The following IL1RAPL1 variants were observed in gnomAD, a reference collection of about 807,000 sequenced individuals.
IL1RAPL1 encodes the protein interleukin-1 receptor accessory protein-like 1.
In IL1RAPL1, 3 loss-of-function variants were observed where a neutral mutation model predicts 48.4. That is an observed-to-expected ratio of 0.06 (90% CI 0.03 to 0.16). The LOEUF is 0.16. IL1RAPL1 is among the 10% of genes least tolerant of loss of function. The probability of loss-of-function intolerance (pLI) is 1.00; values close to 1 mark genes in which losing one functional copy is unlikely to be tolerated. For synonymous variants in IL1RAPL1, 185 were observed against 187.7 expected (o/e 0.99, Z 0.12); for missense variants, 349 against 530.6 (o/e 0.66, Z 3.36).
intron 5 of IL1RAPL1, among the ~76,000 whole-genome samples, chrX:29,602,889 TATA>T (rs1377720318): frequency 9.5e-6 from 1 of 105,571 alleles, no homozygotes; most frequent in Non-Finnish European, 1.9e-5. Flanking sequence ...GCATATATCA[TATA>T]ATCATCATTT....
At chrX:29,288,625 A>G (rs67568421) in intron 3 of IL1RAPL1, among the ~76,000 whole-genome samples, 2 of 111,517 alleles carry the variant, frequency 1.8e-5, no homozygotes, top group Non-Finnish European at 3.8e-5. Flanking sequence ...GAACATATTC[A>G]TGCATTTATC....
intron 5 of IL1RAPL1, among the ~76,000 whole-genome samples, chrX:29,647,682 A>G (rs1409056456): frequency 1.8e-5 from 2 of 112,122 alleles, no homozygotes; most frequent in Non-Finnish European, 1.9e-5. Context: ...GAATCAAACC[A>G]TAGTACTAAA....
At chrX:28,657,650 A>G (rs753656668) in intron 1 of IL1RAPL1, among the ~76,000 whole-genome samples, 63 of 112,588 alleles carry the variant, frequency 5.6e-4, no homozygotes, top group African/African-American at 1.9e-3. Flanking sequence ...TGACCCCAGT[A>G]GGGGCATAAA....
At chrX:28,910,701 C>G (rs991690699) in intron 2 of IL1RAPL1, among the ~76,000 whole-genome samples, 2 of 108,492 alleles carry the variant, frequency 1.8e-5, no homozygotes, top group Admixed American at 9.9e-5. Flanking sequence ...ATAATGGTTG[C>G]TGCTTAAGTG....
chrX:28,949,574 A>C (rs1293781597), intron 2 of IL1RAPL1, among the ~76,000 whole-genome samples: 1 of 111,290 alleles, frequency 9.0e-6, no homozygotes, highest in Non-Finnish European at 1.9e-5. Flanking sequence ...ATTTGTCCCT[A>C]TTTCTCCACA....
At chrX:29,296,759 G>A (rs931650852) in intron 3 of IL1RAPL1, among the ~76,000 whole-genome samples, 1 of 110,799 alleles carries the variant, frequency 9.0e-6, no homozygotes, top group Non-Finnish European at 1.9e-5. Context: ...TTTAAGTTCC[G>A]GTTTCCAGAA....
intron 5 of IL1RAPL1, among the ~76,000 whole-genome samples, chrX:29,598,622 A>T (rs963622712): frequency 6.3e-5 from 7 of 111,573 alleles, no homozygotes; most frequent in Non-Finnish European, 1.1e-4. Flanking sequence ...CTGTCAGTGG[A>T]TTATTAAAGT....
intron 2 of IL1RAPL1, among the ~76,000 whole-genome samples, chrX:28,967,605 C>T (rs1467701309): frequency 9.0e-6 from 1 of 111,522 alleles, no homozygotes; most frequent in African/African-American, 3.3e-5. Flanking sequence ...TACCTATTCC[C>T]ATGACCTTAC....
chrX:29,426,376 G>A (rs771639103), intron 5 of IL1RAPL1, among the ~76,000 whole-genome samples: 17 of 111,295 alleles, frequency 1.5e-4, no homozygotes, highest in Non-Finnish European at 2.1e-4. Context: ...TTTTACAAAC[G>A]AACCAATTAC....
chrX:29,250,178 A>G (rs1387174258), intron 2 of IL1RAPL1, among the ~76,000 whole-genome samples: 1 of 111,872 alleles, frequency 8.9e-6, no homozygotes. Context: ...TTTACTGGGA[A>G]TATCACATTC....
At chrX:28,756,884 G>T (rs1936111757) in intron 1 of IL1RAPL1, among the ~76,000 whole-genome samples, 1 of 111,257 alleles carries the variant, frequency 9.0e-6, no homozygotes, top group African/African-American at 3.3e-5. Context: ...ATTGTTAAAG[G>T]GGGGGCCTCT....
intron 2 of IL1RAPL1, among the ~76,000 whole-genome samples, chrX:29,150,624 T>C (rs1005136155): frequency 4.5e-5 from 5 of 110,097 alleles, no homozygotes; most frequent in African/African-American, 1.7e-4. Flanking sequence ...CATCTTGATA[T>C]TATAAATTAA....
At chrX:29,303,174 C>T (rs912150873) in intron 3 of IL1RAPL1, among the ~76,000 whole-genome samples, 26 of 111,623 alleles carry the variant, frequency 2.3e-4, no homozygotes, top group Admixed American at 1.0e-3. Context: ...AGCCTTCATA[C>T]GGTAGACGTT....
At chrX:29,507,508 A>C (rs1258606778) in intron 5 of IL1RAPL1, among the ~76,000 whole-genome samples, 1 of 90,023 alleles carries the variant, frequency 1.1e-5, no homozygotes, top group African/African-American at 4.2e-5. Context: ...GGGCTCAGGC[A>C]GTCCTCCCAT....
At chrX:29,747,569 G>A (rs931506110) in intron 6 of IL1RAPL1, among the ~76,000 whole-genome samples, 21 of 111,910 alleles carry the variant, frequency 1.9e-4, no homozygotes, top group African/African-American at 6.8e-4. Flanking sequence ...ATCCTGAAAT[G>A]ACTTCAACAC....
chrX:28,778,695 A>G (rs1936385887), intron 1 of IL1RAPL1, among the ~76,000 whole-genome samples: 1 of 111,889 alleles, frequency 8.9e-6, no homozygotes, highest in Admixed American at 9.5e-5. Context: ...CTTGTCACCA[A>G]ATAAGTGTGA....
intron 2 of IL1RAPL1, among the ~76,000 whole-genome samples, chrX:29,045,537 C>T (rs1926936328): frequency 8.9e-6 from 1 of 111,852 alleles, no homozygotes; most frequent in South Asian, 3.7e-4. Flanking sequence ...ACAATCATAG[C>T]TCACTGTAGC....
At position 29,308,097 on chromosome X, in the gene IL1RAPL1, A is replaced by AT. The variant is rs775969358; in HGVS notation, c.362+24887dup. On this transcript the variant is annotated intron_variant, in intron 3 of 10. Coordinates refer to ENST00000378993, the MANE Select transcript of IL1RAPL1 (RefSeq NM_014271.4). ...AAAGACTGATTAAGCATAGAAAGGGATTTTTTTGATTCACGAACTGAAAAG... is the reference window on the plus strand; with the variant it reads ...AAAGACTGATTAAGCATAGAAAGGGATTTTTTTTGATTCACGAACTGAAAAG... Among the ~76,000 whole-genome samples the AT allele has an allele frequency of 5.4e-5, 6 of 111,857 alleles. No individual in the cohort carries two copies. The South Asian group carries it at 1.1e-3, about 21-fold the overall frequency.
chrX:28,977,228 A>G (rs1925227156), intron 2 of IL1RAPL1, among the ~76,000 whole-genome samples: 1 of 112,094 alleles, frequency 8.9e-6, no homozygotes, highest in Non-Finnish European at 1.9e-5. Context: ...AGACTGGGTA[A>G]TTTACAAAGA....
Sources: allele counts gnomAD v4.1 joint callset (sites outside exome capture counted in the v4.1 genomes callset), GRCh38; gene constraint gnomAD v4.1.1; transcripts MANE v1.5; gene names NCBI Gene and HGNC (gene_info 2026-07-23, HGNC 2026-07-21).